The following OXA1L variants were observed in gnomAD, a reference collection of about 807,000 sequenced individuals.
OXA1L encodes mitochondrial inner membrane protein OXA1L.
A neutral mutation model predicts 52.2 loss-of-function variants in OXA1L; 42 were observed. That is an observed-to-expected ratio of 0.80 (90% CI 0.63 to 1.04). The LOEUF is 1.04. Among genes scored for constraint, OXA1L ranks in the 50% least tolerant of loss-of-function variants. OXA1L has a pLI of 0.00. For synonymous variants in OXA1L, 239 were observed against 201.9 expected, an observed-to-expected ratio of 1.18 and a Z score of -1.56; for missense variants, 572 against 555.0, an observed-to-expected ratio of 1.03 and a Z score of -0.31.
Position 22,771,837 on chromosome 14 carries a change from CTG to C in OXA1L, c.*280_*281del, listed in dbSNP as rs2038469250. Reference sequence around the variant, plus strand: ...GGAAATCAGTGTGCACTTCAGAAAACTGAAGAATACCCAGCATTTTGGGAGGC... The same window carrying C: ...GGAAATCAGTGTGCACTTCAGAAAACAAGAATACCCAGCATTTTGGGAGGC... On this transcript the variant is annotated 3_prime_UTR_variant, in exon 10 of 10. Transcript: ENST00000612549. The C allele has an allele frequency of 5.6e-6, 2 of 355,012 alleles. No individual in the cohort carries two copies. Among genetic ancestry groups the C allele is most frequent in the South Asian group, 8.8e-5 (2 of 22,730 alleles). The allele number at this position is 355,012 out of a possible 1,614,324, so 22.0% of individuals were successfully genotyped here. A position where few individuals can be genotyped will look rare whatever the true frequency, so the allele number is the denominator to read the frequency against.
intron 1 of OXA1L, 78 bp downstream of exon 1, chr14:22,766,842 G>A: frequency 6.3e-7 from 1 of 1,588,232 alleles, no homozygotes; most frequent in Non-Finnish European, 8.6e-7. Context: ...TCGTGCTAGG[G>A]GTATCAGCAG....
rs542055557 is a variant in OXA1L, at chr14:22,772,064, C to T, written c.*506C>T. 6.0e-4 allele frequency: 93 copies of T among 154,756 alleles called. No homozygotes were observed. The highest frequency in any genetic ancestry group is 2.2e-3 in the African/African-American group (90 of 41,388). The allele number at this position is 154,756 out of a possible 1,614,324, so 9.6% of individuals were successfully genotyped here. A position where few individuals can be genotyped will look rare whatever the true frequency, so the allele number is the denominator to read the frequency against. On this transcript the variant is annotated 3_prime_UTR_variant, in exon 10 of 10. Transcript: ENST00000612549. ...AGTGAGCCAAGATCGCACCACCGCA[C>T]TCCAGCCTGGGCAATAGAGGGAGAC...
At chr14:22,771,401 T>G (rs1428527649) in intron 9 of OXA1L, 33 bp from the exon 10 acceptor site, 2 of 1,613,966 alleles carry the variant, frequency 1.2e-6, no homozygotes, top group Non-Finnish European at 1.7e-6. Flanking sequence ...CTTTCTGTTC[T>G]TCGTTGAAAT....
intron 4 of OXA1L, 107 bp downstream of exon 4, chr14:22,770,041 A>G: frequency 2.0e-6 from 3 of 1,478,620 alleles, no homozygotes; most frequent in Non-Finnish European, 2.8e-6. Context: ...ACAGTCGGGA[A>G]AGTTCTAAAG....
In OXA1L at chr14:22,773,020, C is replaced by A. The variant is rs559762418; in HGVS notation, c.*1462C>A. On this transcript the variant is annotated 3_prime_UTR_variant, in exon 10 of 10. Coordinates refer to ENST00000612549, the MANE Select transcript of OXA1L (RefSeq NM_005015.5). ...GGAAGTTCATGTCATTTTTATGTAACAATCCAACATTTGACTAGAGCAGTT... is the reference window on the plus strand; with the variant it reads ...GGAAGTTCATGTCATTTTTATGTAAAAATCCAACATTTGACTAGAGCAGTT... 79 of 259,668 alleles carry A rather than the reference C, an allele frequency of 3.0e-4. 6 individuals are homozygous for A. The South Asian group carries it at 3.5e-3, about 12-fold the overall frequency. The allele number at this position is 259,668 out of a possible 1,614,324, so 16.1% of individuals were successfully genotyped here.
rs1185837925 is a variant in OXA1L at position 22,770,452 on chromosome 14, G to A, written c.670-9G>A. The A allele has an allele frequency of 1.2e-6, 2 of 1,611,794 alleles. No individual in the cohort carries two copies. Among genetic ancestry groups the A allele is most frequent in the Admixed American group, 3.3e-5 (2 of 59,948 alleles). ...AAAGCATGCTGACACTGTTTATCTT[G>A]TGTAATAGGCCCCAATCTTCATCTC... On this transcript the variant is annotated splice_polypyrimidine_tract_variant and intron_variant, in intron 5 of 9. Transcript: ENST00000612549.
Position 22,771,615 on chromosome 14 carries a change from A to G in OXA1L, c.*57A>G, listed in dbSNP as rs2139377183. The G allele has an allele frequency of 1.9e-6, 3 of 1,583,414 alleles. No homozygotes were observed. The highest frequency in any genetic ancestry group is 2.2e-5 in the East Asian group (1 of 44,714). ...CTGTCTCTTCAGAGACTCATCCTCA[A>G]AACAAGACTTGACACTGTGTCCTTG... On this transcript the variant is annotated 3_prime_UTR_variant, in exon 10 of 10. Coordinates refer to ENST00000612549, the MANE Select transcript of OXA1L (RefSeq NM_005015.5).
intron 4 of OXA1L, 72 bp from the exon 5 acceptor site, chr14:22,770,121 G>A: frequency 7.5e-7 from 1 of 1,334,320 alleles, no homozygotes; most frequent in Non-Finnish European, 1.1e-6. Flanking sequence ...CACAGGCCAG[G>A]TAGATAATGA....
chr14:22,772,727 T>C lies in OXA1L; in HGVS notation c.*1169T>C, dbSNP rs2038493018. ...AATGAAAGTTCCAGGCTGGGCAAAG[T>C]GGCTCACACCTATAATCTCAGCACT... On this transcript the variant is annotated 3_prime_UTR_variant, in exon 10 of 10. Coordinates refer to ENST00000612549, the MANE Select transcript of OXA1L (RefSeq NM_005015.5). The C allele has an allele frequency of 6.6e-6, 1 of 152,294 alleles. No homozygotes were observed. Among genetic ancestry groups the C allele is most frequent in the Non-Finnish European group, 1.5e-5 (1 of 68,186 alleles). The allele number at this position is 152,294 out of a possible 1,614,324, so 9.4% of individuals were successfully genotyped here. A position where few individuals can be genotyped will look rare whatever the true frequency, so the allele number is the denominator to read the frequency against.
intron 1 of OXA1L, 151 bp from the exon 2 acceptor site, chr14:22,767,097 C>A: frequency 1.3e-6 from 2 of 1,534,724 alleles, no homozygotes; most frequent in Admixed American, 2.0e-5. Context: ...TGCCTTCGGG[C>A]TAGCGGTCTG....
At chr14:22,769,752 TG>T in intron 3 of OXA1L, 38 bp from the exon 4 acceptor site, 1 of 1,611,758 alleles carries the variant, frequency 6.2e-7, no homozygotes, top group Non-Finnish European at 8.5e-7. Flanking sequence ...GCTGCAGAAC[TG>T]CTTTAATTTC....
Position 22,768,179 on chromosome 14 carries a change from G to C in OXA1L, c.439+8G>C. On this transcript the variant is annotated splice_region_variant and intron_variant, in intron 3 of 9. Transcript: ENST00000612549. ...GGGGGGCCATTGCTGCATGTAAGGG[G>C]AATATACCCTGGACATGGGTTAGGG... 1 of 1,605,434 alleles carries C rather than the reference G, an allele frequency of 6.2e-7. No homozygotes were observed. The highest frequency in any genetic ancestry group is 8.5e-7 in the Non-Finnish European group (1 of 1,172,074).
chr14:22,769,239 C>T (rs1004469754), intron 3 of OXA1L, among the ~76,000 whole-genome samples: 1 of 152,190 alleles, frequency 6.6e-6, no homozygotes, highest in African/African-American at 2.4e-5. Context: ...CTTCCTTCTA[C>T]TCTCTGCCCA....
intron 3 of OXA1L, among the ~76,000 whole-genome samples, chr14:22,769,375 G>C (rs1347892228): frequency 1.3e-5 from 2 of 152,164 alleles, no homozygotes; most frequent in Non-Finnish European, 2.9e-5. Context: ...TGTCACAGAT[G>C]ACTGGGTTTC....
chr14:22,767,562 A>AT, intron 2 of OXA1L, 153 bp downstream of exon 2: 1 of 622,972 alleles, frequency 1.6e-6, no homozygotes, highest in Non-Finnish European at 2.7e-6. Context: ...CTTAGGATGG[A>AT]TTTTCAATTC....
intron 1 of OXA1L, 63 bp from the exon 2 acceptor site, chr14:22,767,185 T>G: frequency 6.4e-7 from 1 of 1,567,370 alleles, no homozygotes; most frequent in South Asian, 1.2e-5. Context: ...TGAATCCCGT[T>G]TGCACCCACG....
chr14:22,771,280 C>G lies in OXA1L; in HGVS notation c.1115C>G (p.Ala372Gly). Residue 372 changes from alanine (A) to glycine (G), a missense_variant, in exon 9 of 10, where the codon GCT (alanine) becomes GGT (glycine). This residue lies in a region of OXA1L where 244 missense variants were observed against 240.2 expected (regional missense o/e 1.02). Coordinates refer to ENST00000612549, the MANE Select transcript of OXA1L (RefSeq NM_005015.5). ...LESFKKGWKNAEMTRQLRERE... is the reference protein window; with the variant it reads ...LESFKKGWKNGEMTRQLRERE... The stretch of plus-strand genomic sequence containing the variant: ...TCTCTTTACACAGGCTGGAAAAATG[C>G]TGAAATGACGCGTCAGCTGCGAGAG... 1 of 1,614,124 alleles carries G rather than the reference C, an allele frequency of 6.2e-7. No homozygotes were observed.
At position 22,772,295 on chromosome 14, in the gene OXA1L, C is replaced by T. The variant is rs11157810; in HGVS notation, c.*737C>T. 36,512 of 146,524 alleles carry T rather than the reference C, an allele frequency of 0.25. 5,011 individuals carry two copies. Among genetic ancestry groups the T allele is most frequent in the African/African-American group, 0.36 (14,327 of 39,350 alleles). 9.1% of individuals were successfully genotyped at this position (146,524 alleles called of 1,614,324 possible). On this transcript the variant is annotated 3_prime_UTR_variant, in exon 10 of 10. Coordinates refer to ENST00000612549, the MANE Select transcript of OXA1L (RefSeq NM_005015.5). ...GTCAGCAGATCGAGACCATCCTGGC[C>T]AACATGGTGAAACCCCGTCTCTACT...
chr14:22,768,359 C>G, intron 3 of OXA1L, 188 bp downstream of exon 3: 1 of 591,726 alleles, frequency 1.7e-6, no homozygotes, highest in South Asian at 2.0e-5. Flanking sequence ...TATAAAACCA[C>G]CAGATCATCT....
Sources: gnomAD v4.1 joint callset for allele counts (sites outside exome capture counted in the v4.1 genomes callset) on GRCh38, gnomAD v4.1.1 for gene constraint, gnomAD v4.1.1 regional missense constraint, MANE v1.5 for transcripts, NCBI Gene and HGNC (gene_info 2026-07-23, HGNC 2026-07-21) for gene names.